The following FNDC3B variants were observed in gnomAD, a reference collection of about 807,000 sequenced individuals.
FNDC3B encodes fibronectin type III domain containing 3B.
Under a neutral mutation model 151.5 loss-of-function variants are expected in FNDC3B, and 12 were observed. The observed-to-expected ratio is 0.08, with a 90% confidence interval of 0.05 to 0.13. The LOEUF (loss-of-function observed/expected upper bound fraction) is 0.13. FNDC3B is among the 10% of genes least tolerant of loss of function. The pLI, the probability that FNDC3B is intolerant of heterozygous loss-of-function variation, is 1.00. For missense variants in FNDC3B, 1,214 were observed against 1,505.3 expected, an observed-to-expected ratio of 0.81 and a Z score of 3.20; for synonymous variants, 528 against 549.0, an observed-to-expected ratio of 0.96 and a Z score of 0.54.
chr3:172,349,080 A>G (rs1733739309), intron 21 of FNDC3B, among the ~76,000 whole-genome samples: 1 of 151,940 alleles, frequency 6.6e-6, no homozygotes, highest in African/African-American at 2.4e-5. Context: ...CTCTTGAGCC[A>G]GGAGATAGAG....
intron 1 of FNDC3B, among the ~76,000 whole-genome samples, chr3:172,076,377 C>T (rs905978989): frequency 6.6e-6 from 1 of 152,172 alleles, no homozygotes. Flanking sequence ...ATTGCACTAG[C>T]CACTAGGAGT....
chr3:172,140,178 A>G (rs1403834131), intron 3 of FNDC3B, among the ~76,000 whole-genome samples: 1 of 152,206 alleles, frequency 6.6e-6, no homozygotes, highest in African/African-American at 2.4e-5. Flanking sequence ...CTAAGCCAAG[A>G]TAGTCTGAAT....
intron 5 of FNDC3B, among the ~76,000 whole-genome samples, chr3:172,250,876 A>G (rs1440793731): frequency 1.3e-5 from 2 of 151,936 alleles, no homozygotes; most frequent in Non-Finnish European, 2.9e-5. Flanking sequence ...GAGTGCAGTG[A>G]TGCAATCTCA....
At chr3:172,186,873 C>T in intron 3 of FNDC3B, 1 of 587,204 alleles carries the variant, frequency 1.7e-6, no homozygotes, top group East Asian at 3.0e-5. Context: ...TTAAGTGGCC[C>T]ACAGTCAGTT....
chr3:172,093,504 C>T (rs778611751), intron 1 of FNDC3B, among the ~76,000 whole-genome samples: 5 of 152,106 alleles, frequency 3.3e-5, no homozygotes, highest in Non-Finnish European at 5.9e-5. Context: ...GTGATCCGCC[C>T]GCCTTGGCCT....
chr3:172,084,312 G>T (rs544570479), intron 1 of FNDC3B, among the ~76,000 whole-genome samples: 1 of 152,030 alleles, frequency 6.6e-6, no homozygotes, highest in African/African-American at 2.4e-5. Flanking sequence ...TTAGCTGGGC[G>T]TGGTGGTGCA....
intron 3 of FNDC3B, among the ~76,000 whole-genome samples, chr3:172,173,406 T>C (rs1723376231): frequency 6.6e-6 from 1 of 152,066 alleles, no homozygotes; most frequent in Admixed American, 6.5e-5. Flanking sequence ...AACAACCATA[T>C]GGAAGAATTT....
At chr3:172,060,461 C>G (rs1184226167) in intron 1 of FNDC3B, among the ~76,000 whole-genome samples, 2 of 152,010 alleles carry the variant, frequency 1.3e-5, no homozygotes, top group Non-Finnish European at 2.9e-5. Flanking sequence ...CCCTAAAGGC[C>G]CCCTCCACAC....
chr3:172,161,611 C>G (rs946638805), intron 3 of FNDC3B, among the ~76,000 whole-genome samples: 1 of 152,188 alleles, frequency 6.6e-6, no homozygotes, highest in Admixed American at 6.5e-5. Flanking sequence ...TGGACACATG[C>G]GTGTATTTAC....
At chr3:172,154,416 A>T (rs1157527755) in intron 3 of FNDC3B, among the ~76,000 whole-genome samples, 1 of 152,118 alleles carries the variant, frequency 6.6e-6, no homozygotes, top group Non-Finnish European at 1.5e-5. Context: ...GGGTTTCACC[A>T]TGTTGGCCAG....
At chr3:172,300,611 G>A (rs1730857240) in intron 9 of FNDC3B, among the ~76,000 whole-genome samples, 1 of 152,170 alleles carries the variant, frequency 6.6e-6, no homozygotes, top group Non-Finnish European at 1.5e-5. Context: ...ATGGGAGCAT[G>A]ACGTGGTTAC....
At chr3:172,225,995 T>G (rs1726545818) in intron 3 of FNDC3B, 1 of 152,202 alleles carries the variant, frequency 6.6e-6, no homozygotes, top group East Asian at 1.9e-4. Flanking sequence ...ATACATATTT[T>G]TAATAGTTCC....
At chr3:172,242,349 AT>A (rs1418570173) in intron 4 of FNDC3B, among the ~76,000 whole-genome samples, 1 of 151,888 alleles carries the variant, frequency 6.6e-6, no homozygotes, top group Non-Finnish European at 1.5e-5. Context: ...CTGACCCCAC[AT>A]TTCCCTTCTG....
At chr3:172,071,098 A>C (rs1260243034) in intron 1 of FNDC3B, among the ~76,000 whole-genome samples, 2 of 152,182 alleles carry the variant, frequency 1.3e-5, no homozygotes, top group African/African-American at 4.8e-5. Context: ...TGATAGTGCT[A>C]AAAATTAGTC....
At chr3:172,328,059 G>T (rs1271567099) in intron 11 of FNDC3B, among the ~76,000 whole-genome samples, 1 of 152,206 alleles carries the variant, frequency 6.6e-6, no homozygotes, top group Non-Finnish European at 1.5e-5. Context: ...TTACATGCCT[G>T]TGAGTGTGGC....
chr3:172,325,976 A>G (rs550091586), intron 11 of FNDC3B, among the ~76,000 whole-genome samples: 1 of 152,174 alleles, frequency 6.6e-6, no homozygotes, highest in Admixed American at 6.5e-5. Flanking sequence ...GGCGTCTACC[A>G]CCACGCCTGG....
chr3:172,357,577 GAAATTATTTT>G (rs1042759995), intron 22 of FNDC3B, among the ~76,000 whole-genome samples: 3 of 152,086 alleles, frequency 2.0e-5, no homozygotes, highest in African/African-American at 7.2e-5. Context: ...CTGGAATTAG[GAAATTATTTT>G]CCCATACTGT....
At chr3:172,285,902 C>A (rs1417085843) in intron 6 of FNDC3B, 24 bp from the exon 7 acceptor site, 1 of 1,601,476 alleles carries the variant, frequency 6.2e-7, no homozygotes, top group East Asian at 2.2e-5. Context: ...TATTGTTTTT[C>A]CTTTTTTCTT....
At chr3:172,153,935 G>A (rs989412537) in intron 3 of FNDC3B, among the ~76,000 whole-genome samples, 6 of 152,162 alleles carry the variant, frequency 3.9e-5, no homozygotes, top group African/African-American at 1.4e-4. Context: ...TGTCTTGGTG[G>A]AAAAAGTTCC....
Sources: allele counts gnomAD v4.1 joint callset (sites outside exome capture counted in the v4.1 genomes callset), GRCh38; gene constraint gnomAD v4.1.1; transcripts MANE v1.5; gene names NCBI Gene and HGNC (gene_info 2026-07-23, HGNC 2026-07-21).